KLF15: variants seen among roughly 807,000 people sequenced by gnomAD.
The protein encoded by KLF15 is Krueppel-like factor 15.
In KLF15, 4 loss-of-function variants were observed where a neutral mutation model predicts 24.6. That is an observed-to-expected ratio of 0.16 (90% CI 0.08 to 0.37). KLF15 has a LOEUF of 0.37. Among genes scored for constraint, KLF15 ranks in the 10% least tolerant of loss-of-function variants. The pLI, the probability that KLF15 is intolerant of heterozygous loss-of-function variation, is 1.00. For missense variants in KLF15, 496 were observed against 560.6 expected (o/e 0.88, Z 1.16); for synonymous variants, 246 against 236.3 (o/e 1.04, Z -0.37).
the KLF15 span, among the ~76,000 whole-genome samples, chr3:126,311,599 C>A: frequency 6.6e-6 from 1 of 152,242 alleles, no homozygotes; most frequent in African/African-American, 2.4e-5. Context: ...AGCCAGCTCA[C>A]TCACAAGCTA....
chr3:126,321,625 C>T, the KLF15 span, among the ~76,000 whole-genome samples: 1 of 152,236 alleles, frequency 6.6e-6, no homozygotes, highest in Non-Finnish European at 1.5e-5. Context: ...ACCCTGGAGG[C>T]CCCCTGTGCA....
the KLF15 span, among the ~76,000 whole-genome samples, chr3:126,292,531 A>C: frequency 6.6e-6 from 1 of 152,224 alleles, no homozygotes; most frequent in African/African-American, 2.4e-5. Flanking sequence ...TTTGAGATAC[A>C]AAACAGGGAA....
At chr3:126,339,016 T>A (rs1041530095), downstream of KLF15, among the ~76,000 whole-genome samples, 2 of 152,202 alleles carry the variant, frequency 1.3e-5, no homozygotes, top group African/African-American at 4.8e-5. Context: ...GGTGTGGATA[T>A]GTCCGTGCGC....
the KLF15 span, among the ~76,000 whole-genome samples, chr3:126,337,533 A>G: frequency 6.7e-6 from 1 of 149,158 alleles, no homozygotes; most frequent in East Asian, 2.0e-4. Flanking sequence ...ATATGTAACT[A>G]ACCTGCACAA....
the KLF15 span, among the ~76,000 whole-genome samples, chr3:126,305,811 C>G: frequency 6.6e-6 from 1 of 152,114 alleles, no homozygotes; most frequent in Non-Finnish European, 1.5e-5. Flanking sequence ...GACCACAAAC[C>G]CTTTTCAGGG....
chr3:126,326,740 A>G, the KLF15 span, among the ~76,000 whole-genome samples: 1 of 152,152 alleles, frequency 6.6e-6, no homozygotes, highest in South Asian at 2.1e-4. Context: ...GTTTGTTTTT[A>G]ACTGTTGTTG....
chr3:126,352,365 G>A lies in KLF15; in HGVS notation c.558C>T (p.Ser186=), dbSNP rs956520537. The A allele has an allele frequency of 1.2e-6, 2 of 1,608,320 alleles. No individual in the cohort carries two copies. The highest frequency in any genetic ancestry group is 1.7e-6 in the Non-Finnish European group (2 of 1,177,618). ...GPHKSHLHPG[S]SGRERCSPPP... The stretch of plus-strand genomic sequence containing the variant: ...GAGGGGAACAGCGCTCTCTCCCGCT[G>A]GACCCAGGATGGAGGTGGCTCTTGT... The change falls in exon 2 of 3, where the codon TCC becomes TCT. Residue 186 remains serine, a synonymous_variant. Transcript: ENST00000296233.
At chr3:126,323,449 A>T in the KLF15 span, among the ~76,000 whole-genome samples, 1 of 96,278 alleles carries the variant, frequency 1.0e-5, no homozygotes, top group Non-Finnish European at 1.9e-5. Context: ...TATATATGTT[A>T]TATATATATA....
chr3:126,314,913 A>AGTT, the KLF15 span, among the ~76,000 whole-genome samples: 1 of 152,192 alleles, frequency 6.6e-6, no homozygotes, highest in South Asian at 2.1e-4. Flanking sequence ...CCTTGCATAG[A>AGTT]GTTGGCTAGG....
chr3:126,310,097 G>T, the KLF15 span, among the ~76,000 whole-genome samples: 2 of 152,226 alleles, frequency 1.3e-5, no homozygotes, highest in Non-Finnish European at 2.9e-5. Flanking sequence ...GAAGGCAGAG[G>T]GGCAAGCCTG....
At chr3:126,340,424 C>T (rs2082471319), downstream of KLF15, among the ~76,000 whole-genome samples, 1 of 152,254 alleles carries the variant, frequency 6.6e-6, no homozygotes, top group South Asian at 2.1e-4. Context: ...GCAACAAGAG[C>T]GAAGGAGGCT....
chr3:126,339,455 A>G (rs1264598330), downstream of KLF15, among the ~76,000 whole-genome samples: 1 of 151,980 alleles, frequency 6.6e-6, no homozygotes, highest in Non-Finnish European at 1.5e-5. Context: ...CCGGCCCCCC[A>G]GGGCACATCG....
chr3:126,335,554 G>C, the KLF15 span, among the ~76,000 whole-genome samples: 9,083 of 147,720 alleles, frequency 0.061, 949 homozygotes, highest in African/African-American at 0.22. Context: ...ATTCAACATA[G>C]TGTTGGAAGT....
chr3:126,296,137 C>T, the KLF15 span, among the ~76,000 whole-genome samples: 4 of 152,330 alleles, frequency 2.6e-5, no homozygotes, highest in African/African-American at 7.2e-5. Flanking sequence ...CACAGTGTCA[C>T]TAATGCTGGG....
chr3:126,315,472 G>A, the KLF15 span, among the ~76,000 whole-genome samples: 1 of 152,184 alleles, frequency 6.6e-6, no homozygotes, highest in African/African-American at 2.4e-5. Context: ...GGGACCTAGG[G>A]CCACATCTTG....
chr3:126,350,785 C>T (rs2082576051), intron 2 of KLF15, among the ~76,000 whole-genome samples: 1 of 152,258 alleles, frequency 6.6e-6, no homozygotes. Flanking sequence ...TGTGGGTGTG[C>T]ACACACACAG....
At chr3:126,301,558 C>T in the KLF15 span, among the ~76,000 whole-genome samples, 1 of 151,648 alleles carries the variant, frequency 6.6e-6, no homozygotes, top group Non-Finnish European at 1.5e-5. Context: ...TTCTATTTCA[C>T]TTATTTCCAG....
At chr3:126,334,227 A>C in the KLF15 span, among the ~76,000 whole-genome samples, 1 of 152,028 alleles carries the variant, frequency 6.6e-6, no homozygotes, top group Non-Finnish European at 1.5e-5. Flanking sequence ...ACTATCTCTC[A>C]GACCACAGTG....
At chr3:126,292,665 G>T in the KLF15 span, among the ~76,000 whole-genome samples, 3 of 152,132 alleles carry the variant, frequency 2.0e-5, no homozygotes, top group Admixed American at 2.0e-4. Context: ...TGAGAAGGGA[G>T]AGCGAGCGAG....
Sources: allele counts gnomAD v4.1 joint callset (sites outside exome capture counted in the v4.1 genomes callset), GRCh38; gene constraint gnomAD v4.1.1; transcripts MANE v1.5; gene names NCBI Gene and HGNC (gene_info 2026-07-23, HGNC 2026-07-21).